MPZ: variants seen among roughly 807,000 people sequenced by gnomAD.
MPZ encodes myelin protein P0.
In MPZ, 13 loss-of-function variants were observed where a neutral mutation model predicts 27.9. The ratio of observed to expected loss-of-function variants is 0.47; its 90% confidence interval spans 0.30 to 0.74. The LOEUF is 0.74. Ranked by LOEUF, MPZ falls within the 30% of genes least tolerant of loss-of-function variation. The probability of loss-of-function intolerance (pLI) is 0.06; values close to 1 mark genes in which losing one functional copy is unlikely to be tolerated. For synonymous variants in MPZ, 118 were observed against 128.9 expected, an observed-to-expected ratio of 0.92 and a Z score of 0.57; for missense variants, 256 against 317.5, an observed-to-expected ratio of 0.81 and a Z score of 1.47.
intron 1 of MPZ, among the ~76,000 whole-genome samples, chr1:161,309,552 A>ATATATATATATATATATATTTTT: frequency 1.2e-5 from 1 of 80,654 alleles, no homozygotes; most frequent in Admixed American, 1.3e-4. Context: ...ATATATATAT[A>ATATATATATATATATATATTTTT]TTTTTTTTTT....
chr1:161,305,104 G>A lies in MPZ; in HGVS notation c.*772C>T, dbSNP rs1185026723. On this transcript the variant is annotated 3_prime_UTR_variant, in exon 6 of 6. Transcript: ENST00000533357. Reference sequence around the variant, plus strand: ...GCTGGCTCTTCATTAAGGACTTAAGGGGGGCGTGAATTGCAAAAGCCACAT... The same window carrying A: ...GCTGGCTCTTCATTAAGGACTTAAGAGGGGCGTGAATTGCAAAAGCCACAT... 6.5e-6 allele frequency: 1 copy of A among 152,966 alleles called. No individual in the cohort carries two copies. Among genetic ancestry groups the A allele is most frequent in the East Asian group, 1.9e-4 (1 of 5,316 alleles). The allele number at this position is 152,966 out of a possible 1,614,324, so 9.5% of individuals were successfully genotyped here.
chr1:161,306,979 G>T, intron 2 of MPZ, 58 bp from the exon 3 acceptor site: 3 of 681,620 alleles, frequency 4.4e-6, no homozygotes, highest in Non-Finnish European at 4.8e-6. Context: ...AGCTGTCAAA[G>T]CTTAGCTCCA....
Position 161,309,856 on chromosome 1 carries a change from A to C in MPZ, c.50T>G (p.Leu17Arg). 1 of 1,586,558 alleles carries C rather than the reference A, an allele frequency of 6.3e-7. No homozygotes were observed. Reference sequence around the variant, plus strand: ...CCACTTACCCAAAGAAGAGAAGAGCAGCACAGCCAGGATAGGGCTGGGGCT... The same window carrying C: ...CCACTTACCCAAAGAAGAGAAGAGCCGCACAGCCAGGATAGGGCTGGGGCT... ...SSSPSPILAV[L>R]LFSSLVLSPA... Residue 17 changes from leucine (L) to arginine (R), a missense_variant, in exon 1 of 6, where the codon CTG becomes CGG. Leu to Arg is a moderately radical substitution (Grantham distance 102, BLOSUM62 -2). Transcript: ENST00000533357.
At chr1:161,306,294 G>A in intron 4 of MPZ, 35 bp downstream of exon 4, 2 of 1,613,942 alleles carry the variant, frequency 1.2e-6, no homozygotes, top group Non-Finnish European at 1.7e-6. Context: ...GGGATAGTGG[G>A]GAGAGGGGGA....
chr1:161,307,462 G>A (rs1465226621), intron 1 of MPZ, 38 bp from the exon 2 acceptor site: 5 of 1,611,260 alleles, frequency 3.1e-6, no homozygotes, highest in Admixed American at 1.7e-5. Flanking sequence ...GCACCTATGG[G>A]CCCAGTAAGG....
At position 161,306,238 on chromosome 1, in the gene MPZ, T is replaced by C. The variant is rs1340868205; in HGVS notation, c.585-70A>G. ...CTTGCACCGCGGACACAGCTTCCTC[T>C]TCCCCTTGGCCCTCCCACCCACTGG... On this transcript the variant is annotated intron_variant, in intron 4 of 5. Transcript: ENST00000533357. The C allele has an allele frequency of 3.5e-5, 57 of 1,611,824 alleles. No homozygotes were observed. The Admixed American group carries it at 9.0e-4, about 25-fold the overall frequency.
rs777142722 is a variant in MPZ at position 161,306,695 on chromosome 1, T to C, written c.448+13A>G. The C allele has an allele frequency of 3.7e-6, 6 of 1,612,738 alleles. No homozygotes were observed. The highest frequency in any genetic ancestry group is 5.1e-6 in the Non-Finnish European group (6 of 1,178,976). The stretch of plus-strand genomic sequence containing the variant: ...ACTGCTTCCCATACCCTTGTCCCCA[T>C]CCCTTCTCACACCTTTTTCAAAGAC... On this transcript the variant is annotated intron_variant, in intron 3 of 5. Coordinates refer to ENST00000533357, the MANE Select transcript of MPZ (RefSeq NM_000530.8).
intron 1 of MPZ, among the ~76,000 whole-genome samples, chr1:161,308,035 T>C (rs1281512870): frequency 6.6e-6 from 1 of 152,222 alleles, no homozygotes; most frequent in Non-Finnish European, 1.5e-5. Context: ...CTAGTGTCTT[T>C]TTGCTTAAGA....
At chr1:161,303,896 CA>C (rs1382910553), downstream of MPZ, among the ~76,000 whole-genome samples, 1 of 152,110 alleles carries the variant, frequency 6.6e-6, no homozygotes, top group African/African-American at 2.4e-5. Context: ...ACCCCTCAAA[CA>C]AATGGAAGCA....
intron 4 of MPZ, 68 bp from the exon 5 acceptor site, chr1:161,306,236 T>C: frequency 3.7e-6 from 6 of 1,611,972 alleles, no homozygotes; most frequent in Non-Finnish European, 5.1e-6. Flanking sequence ...CACAGCTTCC[T>C]CTTCCCCTTG....
chr1:161,307,393 G>A lies in MPZ; in HGVS notation c.99C>T (p.Tyr33=). 2 of 1,614,282 alleles carry A rather than the reference G, an allele frequency of 1.2e-6. No homozygotes were observed. The highest frequency in any genetic ancestry group is 1.7e-6 in the Non-Finnish European group (2 of 1,180,054). The change falls in exon 2 of 6, where the codon TAC becomes TAT. Residue 33 remains tyrosine (Y), a synonymous_variant. Coordinates refer to ENST00000533357, the MANE Select transcript of MPZ (RefSeq NM_000530.8). ...VLSPAQAIVV[Y]TDREVHGAVG... is the part of the protein sequence containing the mutation. ...CAGCACCATGGACCTCCCTGTCGGT[G>A]TAAACCACGATGGCCTGGGCCGGGG...
chr1:161,306,064 A>G, intron 5 of MPZ, 44 bp downstream of exon 5: 1 of 1,612,992 alleles, frequency 6.2e-7, no homozygotes. Flanking sequence ...GGCGGCTCCC[A>G]GGGTTCTCCT....
In MPZ at chr1:161,309,889, G is replaced by A. The variant is rs1484036604; in HGVS notation, c.17C>T (p.Pro6Leu). 6.3e-7 allele frequency: 1 copy of A among 1,588,136 alleles called. No homozygotes were observed. Among genetic ancestry groups the A allele is most frequent in the Non-Finnish European group, 8.6e-7 (1 of 1,168,314 alleles). The stretch of plus-strand genomic sequence containing the variant: ...CAGGATAGGGCTGGGGCTGGATGAG[G>A]GAGCCCCAGGAGCCATAGCTGGGGC... The part of the protein sequence containing the change: MAPGA[P>L]SSSPSPILAV... The change falls in exon 1 of 6, where the codon CCC becomes CTC. Residue 6 changes from proline to leucine, a missense_variant. Physicochemically the swap from Pro to Leu is moderately conservative, Grantham distance 98. Transcript: ENST00000533357.
At chr1:161,309,735 G>A (rs1442407563) in intron 1 of MPZ, 104 bp downstream of exon 1, 8 of 944,302 alleles carry the variant, frequency 8.5e-6, no homozygotes, top group Non-Finnish European at 1.3e-5. Flanking sequence ...TCCTGCTCCT[G>A]CTTGTTCTTT....
chr1:161,307,387 G>A lies in MPZ; in HGVS notation c.105C>T (p.Asp35=). Residue 35 remains aspartate, a synonymous_variant, in exon 2 of 6, where the codon GAC becomes GAT. Coordinates refer to ENST00000533357, the MANE Select transcript of MPZ (RefSeq NM_000530.8). The part of the protein sequence containing the change: ...SPAQAIVVYT[D]REVHGAVGSR... Reference sequence around the variant, plus strand: ...AGCCCACAGCACCATGGACCTCCCTGTCGGTGTAAACCACGATGGCCTGGG... The same window carrying A: ...AGCCCACAGCACCATGGACCTCCCTATCGGTGTAAACCACGATGGCCTGGG... 1 of 1,614,298 alleles carries A rather than the reference G, an allele frequency of 6.2e-7. No homozygotes were observed. The highest frequency in any genetic ancestry group is 8.5e-7 in the Non-Finnish European group (1 of 1,180,060).
chr1:161,306,242 C>T, intron 4 of MPZ, 74 bp from the exon 5 acceptor site: 1 of 1,612,166 alleles, frequency 6.2e-7, no homozygotes, highest in Non-Finnish European at 8.5e-7. Context: ...TTCCTCTTCC[C>T]CTTGGCCCTC....
At chr1:161,307,120 CAA>C in intron 2 of MPZ, 136 bp downstream of exon 2, 19 of 1,210,578 alleles carry the variant, frequency 1.6e-5, no homozygotes, top group Non-Finnish European at 2.2e-5. Flanking sequence ...GTCAGGGTGA[CAA>C]AGACTGTCAT....
chr1:161,308,766 G>C (rs1670321477), intron 1 of MPZ, among the ~76,000 whole-genome samples: 1 of 152,128 alleles, frequency 6.6e-6, no homozygotes. Flanking sequence ...AACAAGTGTT[G>C]AGACACAACT....
downstream of MPZ, among the ~76,000 whole-genome samples, chr1:161,303,637 AC>A (rs1332209103): frequency 6.6e-6 from 1 of 151,880 alleles, no homozygotes; most frequent in Non-Finnish European, 1.5e-5. Flanking sequence ...ACCACATCCA[AC>A]CTCATTTGAC....
Sources: allele counts gnomAD v4.1 joint callset (sites outside exome capture counted in the v4.1 genomes callset), GRCh38; gene constraint gnomAD v4.1.1; transcripts MANE v1.5; gene names NCBI Gene and HGNC (gene_info 2026-07-23, HGNC 2026-07-21).